RAD51D: variants seen among roughly 807,000 people sequenced by gnomAD.
The protein encoded by RAD51D is DNA repair protein RAD51 homolog 4.
A neutral mutation model predicts 44.1 loss-of-function variants in RAD51D; 38 were observed. The ratio of observed to expected loss-of-function variants is 0.86; its 90% CI spans 0.67 to 1.13. The LOEUF is 1.13. Ranked by LOEUF, RAD51D falls within the 50% of genes most tolerant of loss-of-function variation. The pLI is 0.00. For missense variants in RAD51D, 390 were observed against 414.0 expected (o/e 0.94, Z 0.50); for synonymous variants, 141 against 166.6 (o/e 0.85, Z 1.18).
At chr17:35,111,631 C>T (rs572960052) in intron 3 of RAD51D, among the ~76,000 whole-genome samples, 161 of 152,228 alleles carry the variant, frequency 1.1e-3, no homozygotes, top group African/African-American at 3.8e-3. Flanking sequence ...TTCTGTTCCA[C>T]TGATCTGTGT....
rs561279993 is a variant in RAD51D at position 35,112,831 on chromosome 17, T to C, written c.264-5384A>G. On this transcript the variant is annotated intron_variant, in intron 3 of 9. Coordinates refer to ENST00000345365, the MANE Select transcript of RAD51D (RefSeq NM_002878.4). Reference sequence around the variant, plus strand: ...CTTGTTTTTGTTTGTCTTGCTCATCTAGCTGAGAGCACCATGGGGCAAGGA... The same window carrying C: ...CTTGTTTTTGTTTGTCTTGCTCATCCAGCTGAGAGCACCATGGGGCAAGGA... 3.8e-4 allele frequency among the ~76,000 whole-genome samples: 58 copies of C among 152,346 alleles called. 1 individual carries two copies. The South Asian group carries it at 0.011, about 29-fold the overall frequency.
intron 2 of RAD51D, 129 bp from the exon 3 acceptor site, chr17:35,118,748 ATTG>A (rs1383474515): frequency 5.1e-6 from 4 of 786,010 alleles, no homozygotes; most frequent in Non-Finnish European, 8.8e-6. Context: ...GACTTTTGTT[ATTG>A]TTGTTGTTTC....
Position 35,107,349 on chromosome 17 carries a change from G to T in RAD51D, c.345+17C>A, listed in dbSNP as rs760529001. ...CCCTCACCCCTAAATCCTCCTGACT[G>T]CTGGCCTCACATGTACCTGAGTTTT... On this transcript the variant is annotated intron_variant, in intron 4 of 9. Transcript: ENST00000345365. 1.3e-6 allele frequency: 2 copies of T among 1,534,276 alleles called. No individual in the cohort carries two copies. The highest frequency in any genetic ancestry group is 9.0e-7 in the Non-Finnish European group (1 of 1,107,516).
chr17:35,103,479 T>TG lies in RAD51D; in HGVS notation c.641dup (p.Leu215ThrfsTer112), dbSNP rs1409088398. The TG allele has an allele frequency of 6.2e-7, 1 of 1,614,072 alleles. No individual in the cohort carries two copies. The highest frequency in any genetic ancestry group is 1.7e-5 in the Admixed American group (1 of 59,998). ...CTTCCCTCTGCTGACCTCCCAGAAG[T>TG]GGGGAAACCACCGCAGTGACCGAGT... On this transcript the variant is annotated frameshift_variant, in exon 7 of 10. Transcript: ENST00000345365. LOFTEE classifies it high-confidence loss of function. This position sits in a 1 kb window ranked among gnomAD's most constrained non-coding sequence, Gnocchi z 4.1.
At chr17:35,110,873 G>A (rs537376162) in intron 3 of RAD51D, among the ~76,000 whole-genome samples, 29 of 152,308 alleles carry the variant, frequency 1.9e-4, no homozygotes, top group African/African-American at 6.3e-4. Flanking sequence ...TTGGGAGGCC[G>A]AGGCGGGCGA....
In RAD51D at chr17:35,099,505, T is replaced by C. The variant is rs1411850261; in HGVS notation, c.*1448A>G. ...ATGGTATAAAGATACTGAAGATTAA[T>C]TTCTCCTGAGGTCTTCTGTGAAAGC... On this transcript the variant is annotated 3_prime_UTR_variant, in exon 10 of 10. Coordinates refer to ENST00000345365, the MANE Select transcript of RAD51D (RefSeq NM_002878.4). 1 of 251,502 alleles carries C rather than the reference T, an allele frequency of 4.0e-6. No individual in the cohort carries two copies. The highest frequency in any genetic ancestry group is 7.9e-6 in the Non-Finnish European group (1 of 126,538). 15.6% of individuals were successfully genotyped at this position (251,502 alleles called of 1,614,324 possible). A position where few individuals can be genotyped will look rare whatever the true frequency, so the allele number is the denominator to read the frequency against.
At chr17:35,104,892 C>T (rs2091581012) in intron 6 of RAD51D, 1 of 150,026 alleles carries the variant, frequency 6.7e-6, no homozygotes, top group Non-Finnish European at 1.5e-5. Flanking sequence ...TGGTCCTGAA[C>T]TCCTGGGCTC....
rs2091494017 is a variant in RAD51D, at chr17:35,097,455, A to ATATATATATGTGTG, written c.*3497_*3498insCACACATATATATA. ...TATATGTGTGTATATATATGTGTGT[A>ATATATATATGTGTG]TATATATATATGTGTGTATATATAT... On this transcript the variant is annotated 3_prime_UTR_variant, in exon 10 of 10. Coordinates refer to ENST00000345365, the MANE Select transcript of RAD51D (RefSeq NM_002878.4). The ATATATATATGTGTG allele has an allele frequency of 1.7e-5, 1 of 57,990 alleles. No homozygotes were observed. The highest frequency in any genetic ancestry group is 5.7e-5 in the African/African-American group (1 of 17,402). The allele number at this position is 57,990 out of a possible 1,614,324, so 3.6% of individuals were successfully genotyped here. A position where few individuals can be genotyped will look rare whatever the true frequency, so the allele number is the denominator to read the frequency against.
chr17:35,100,412 G>A lies in RAD51D; in HGVS notation c.*541C>T, dbSNP rs1250098849. ...GAATTGCCTTTTTATATTTTTAAGA[G>A]CAAAACAGAGATGAAGAAGAGTATT... On this transcript the variant is annotated 3_prime_UTR_variant, in exon 10 of 10. Transcript: ENST00000345365. 3 of 534,140 alleles carry A rather than the reference G, an allele frequency of 5.6e-6. No homozygotes were observed. Among genetic ancestry groups the A allele is most frequent in the African/African-American group, 5.6e-5 (3 of 53,826 alleles). The allele number at this position is 534,140 out of a possible 1,614,324, so 33.1% of individuals were successfully genotyped here. A position where few individuals can be genotyped will look rare whatever the true frequency, so the allele number is the denominator to read the frequency against.
chr17:35,108,339 TCACCTGGTTTACCTTAATAATAA>T lies in RAD51D; in HGVS notation c.264-915_264-893del, dbSNP rs560623214. On this transcript the variant is annotated intron_variant, in intron 3 of 9. Coordinates refer to ENST00000345365, the MANE Select transcript of RAD51D (RefSeq NM_002878.4). ...AAGTTGCAAAAAGTCCATGAACCCT[TCACCTGGTTTACCTTAATAATAA>T]CAACTGTACTACAAAATGTATTGTA... 7.8e-4 allele frequency among the ~76,000 whole-genome samples: 118 copies of T among 151,960 alleles called. 1 individual carries two copies. The East Asian group carries it at 0.018, about 23-fold the overall frequency.
chr17:35,102,039 A>G (rs562972164), intron 8 of RAD51D, among the ~76,000 whole-genome samples: 34 of 152,324 alleles, frequency 2.2e-4, no homozygotes, highest in African/African-American at 6.5e-4. Context: ...AGTGGTTAAG[A>G]TAGTAAATTT....
Position 35,093,881 on chromosome 17 carries a change from C to T in RAD51D, c.*7072G>A, listed in dbSNP as rs1291555478. Reference sequence around the variant, plus strand: ...TTCTCCAATGCCAAACCCCAGCACACAGAACTAGACAGTTTAAACCTTACC... The same window carrying T: ...TTCTCCAATGCCAAACCCCAGCACATAGAACTAGACAGTTTAAACCTTACC... On this transcript the variant is annotated 3_prime_UTR_variant, in exon 10 of 10. Transcript: ENST00000345365. 1 of 152,222 alleles carries T rather than the reference C, an allele frequency of 6.6e-6. No individual in the cohort carries two copies. The highest frequency in any genetic ancestry group is 1.5e-5 in the Non-Finnish European group (1 of 68,062). The allele number at this position is 152,222 out of a possible 1,614,324, so 9.4% of individuals were successfully genotyped here.
At chr17:35,113,338 G>A (rs532843536) in intron 3 of RAD51D, among the ~76,000 whole-genome samples, 4 of 152,022 alleles carry the variant, frequency 2.6e-5, no homozygotes, top group African/African-American at 4.8e-5. Context: ...GTGTGCTCTC[G>A]GCTCACTGCA....
intron 3 of RAD51D, among the ~76,000 whole-genome samples, chr17:35,114,410 A>G (rs182914676): frequency 1.9e-3 from 282 of 152,256 alleles, no homozygotes; most frequent in African/African-American, 6.5e-3. Context: ...CTGGCCAGGC[A>G]TGGTGGCTCA....
intron 8 of RAD51D, among the ~76,000 whole-genome samples, chr17:35,102,980 T>C (rs368303637): frequency 6.6e-6 from 1 of 151,862 alleles, no homozygotes. Context: ...TAGTCAAACT[T>C]CAAACAAGGA....
Position 35,098,643 on chromosome 17 carries a change from TGA to T in RAD51D, c.*2308_*2309del, listed in dbSNP as rs1355234085. The T allele has an allele frequency of 2.0e-5, 3 of 152,008 alleles. No individual in the cohort carries two copies. The highest frequency in any genetic ancestry group is 6.6e-5 in the Admixed American group (1 of 15,236). The allele number at this position is 152,008 out of a possible 1,614,324, so 9.4% of individuals were successfully genotyped here. ...CTGGTCTGGAACTCCTGACCTTAGGTGATCCACCCACCTCAGCCTCCCAAAGT... is the reference window on the plus strand; with the variant it reads ...CTGGTCTGGAACTCCTGACCTTAGGTTCCACCCACCTCAGCCTCCCAAAGT... On this transcript the variant is annotated 3_prime_UTR_variant, in exon 10 of 10. Transcript: ENST00000345365.
chr17:35,117,024 T>C (rs753188644), intron 3 of RAD51D: 1 of 1,613,092 alleles, frequency 6.2e-7, no homozygotes, highest in Non-Finnish European at 8.5e-7. Context: ...CCCACTTGAG[T>C]GCGCCCTCCA....
intron 8 of RAD51D, among the ~76,000 whole-genome samples, chr17:35,101,923 G>A (rs1001371878): frequency 2.5e-4 from 38 of 152,078 alleles, no homozygotes; most frequent in African/African-American, 7.5e-4. Flanking sequence ...ATTTTTAATG[G>A]GTACAGAGTT....
intron 3 of RAD51D, among the ~76,000 whole-genome samples, chr17:35,117,568 C>T (rs2091765167): frequency 6.6e-6 from 1 of 152,202 alleles, no homozygotes; most frequent in East Asian, 1.9e-4. Context: ...TGGCCTACTG[C>T]AACCTCCACC....
Sources: allele counts gnomAD v4.1 joint callset (sites outside exome capture counted in the v4.1 genomes callset), GRCh38; gene constraint gnomAD v4.1.1; non-coding constraint Gnocchi (gnomAD v3.1); transcripts MANE v1.5; gene names NCBI Gene and HGNC (gene_info 2026-07-23, HGNC 2026-07-21).